The following PTPRR variants were observed in gnomAD, a reference collection of about 807,000 sequenced individuals.
The protein encoded by PTPRR is protein tyrosine phosphatase receptor type R.
PTPRR carries 38 observed loss-of-function variants against 77.2 expected under a neutral mutation model. The observed-to-expected ratio is 0.49, with a 90% CI of 0.38 to 0.65. The LOEUF (loss-of-function observed/expected upper bound fraction) is 0.65, where lower values mean the gene tolerates loss of function less well. PTPRR is among the 30% of genes least tolerant of loss of function. PTPRR has a pLI of 0.00. For synonymous variants in PTPRR, 299 were observed against 283.1 expected (o/e 1.06, Z -0.57); for missense variants, 744 against 799.2 (o/e 0.93, Z 0.83).
intron 2 of PTPRR, among the ~76,000 whole-genome samples, chr12:70,832,690 G>A (rs886333750): frequency 6.6e-6 from 1 of 152,200 alleles, no homozygotes; most frequent in African/African-American, 2.4e-5. Context: ...GTTGAGAACA[G>A]AACATGGGCA....
At position 70,764,888 on chromosome 12, in the gene PTPRR, A is replaced by G. The variant is rs1466424001; in HGVS notation, c.358-110T>C. ...GTTCACGACATTCAGTTCTTGACTC[A>G]TGACTGACCACAGTTTCTGTGACTC... On this transcript the variant is annotated intron_variant, in intron 2 of 13. Coordinates refer to ENST00000283228, the MANE Select transcript of PTPRR (RefSeq NM_002849.4). The G allele has an allele frequency of 4.1e-6, 3 of 733,548 alleles. No homozygotes were observed. The African/African-American group carries it at 5.3e-5, about 13-fold the overall frequency. 45.4% of individuals were successfully genotyped at this position (733,548 alleles called of 1,614,324 possible).
chr12:70,734,693 T>C (rs1471295620), intron 6 of PTPRR, among the ~76,000 whole-genome samples: 1 of 152,170 alleles, frequency 6.6e-6, no homozygotes, highest in Non-Finnish European at 1.5e-5. Context: ...GAGCAATTAC[T>C]GTGATTCCTC....
At chr12:70,832,386 T>G (rs1892228538) in intron 2 of PTPRR, among the ~76,000 whole-genome samples, 4 of 152,200 alleles carry the variant, frequency 2.6e-5, no homozygotes, top group African/African-American at 9.6e-5. Context: ...TACAATCTTC[T>G]GATTTTTAAA....
At chr12:70,915,644 G>C (rs1893764361) in intron 1 of PTPRR, among the ~76,000 whole-genome samples, 1 of 152,166 alleles carries the variant, frequency 6.6e-6, no homozygotes, top group African/African-American at 2.4e-5. Flanking sequence ...TTTTTTCACT[G>C]AGTTGATTAG....
intron 2 of PTPRR, among the ~76,000 whole-genome samples, chr12:70,808,484 G>A (rs1891750810): frequency 6.6e-6 from 1 of 152,126 alleles, no homozygotes; most frequent in South Asian, 2.1e-4. Context: ...CTGCTGACAT[G>A]TGATGTCTCC....
chr12:70,779,050 C>T (rs192618758), intron 2 of PTPRR, among the ~76,000 whole-genome samples: 3 of 152,130 alleles, frequency 2.0e-5, no homozygotes, highest in East Asian at 1.9e-4. Context: ...GTTTCAACCA[C>T]GTTGGCCACT....
At chr12:70,760,980 A>C (rs1890677157) in intron 4 of PTPRR, among the ~76,000 whole-genome samples, 1 of 152,224 alleles carries the variant, frequency 6.6e-6, no homozygotes, top group Non-Finnish European at 1.5e-5. Context: ...TAAGTTCTTT[A>C]AAAAACTATA....
intron 12 of PTPRR, among the ~76,000 whole-genome samples, chr12:70,657,389 A>G (rs567810034): frequency 6.6e-6 from 1 of 152,348 alleles, no homozygotes; most frequent in South Asian, 2.1e-4. Flanking sequence ...CTAGAGGCAC[A>G]TATTTCCAAG....
At chr12:70,735,489 G>T (rs1421978875) in intron 6 of PTPRR, among the ~76,000 whole-genome samples, 1 of 152,116 alleles carries the variant, frequency 6.6e-6, no homozygotes, top group Non-Finnish European at 1.5e-5. Context: ...GGAAAAACCT[G>T]CCCCCATGAT....
intron 13 of PTPRR, among the ~76,000 whole-genome samples, chr12:70,654,346 G>A (rs925461156): frequency 1.6e-4 from 25 of 152,290 alleles, no homozygotes; most frequent in African/African-American, 6.0e-4. Context: ...GGGAGGCCAA[G>A]ATGTGAGGAT....
intron 6 of PTPRR, among the ~76,000 whole-genome samples, chr12:70,730,868 G>A (rs1352231049): frequency 1.3e-5 from 2 of 150,398 alleles, no homozygotes; most frequent in Non-Finnish European, 3.0e-5. Context: ...AAGGAGGAAG[G>A]AGATAGAGAA....
At chr12:70,785,652 T>C (rs765537874) in intron 2 of PTPRR, among the ~76,000 whole-genome samples, 1 of 152,294 alleles carries the variant, frequency 6.6e-6, no homozygotes, top group Non-Finnish European at 1.5e-5. Context: ...TAGTATCATT[T>C]CTATGCTTTG....
chr12:70,760,243 G>A (rs1890661788), intron 4 of PTPRR, among the ~76,000 whole-genome samples: 1 of 152,198 alleles, frequency 6.6e-6, no homozygotes, highest in South Asian at 2.1e-4. Context: ...GGCTCAGGGA[G>A]GTTGATACCA....
intron 1 of PTPRR, among the ~76,000 whole-genome samples, chr12:70,905,761 G>A (rs904504047): frequency 6.6e-6 from 1 of 151,960 alleles, no homozygotes; most frequent in Non-Finnish European, 1.5e-5. Flanking sequence ...TCCTCGCATT[G>A]CAAGTACTTA....
chr12:70,894,499 TGTA>T (rs1893391884), intron 1 of PTPRR, among the ~76,000 whole-genome samples: 1 of 151,754 alleles, frequency 6.6e-6, no homozygotes, highest in South Asian at 2.1e-4. Flanking sequence ...ATCACTTCAT[TGTA>T]GTGATATCAG....
At chr12:70,872,433 C>G (rs936914517) in intron 2 of PTPRR, among the ~76,000 whole-genome samples, 2 of 151,944 alleles carry the variant, frequency 1.3e-5, no homozygotes, top group Admixed American at 6.6e-5. Flanking sequence ...CGGTGGCTCA[C>G]ACCTGTAATC....
intron 4 of PTPRR, among the ~76,000 whole-genome samples, chr12:70,755,344 T>C (rs1328567925): frequency 1.3e-5 from 2 of 152,194 alleles, no homozygotes; most frequent in Non-Finnish European, 2.9e-5. Context: ...AAAACACGTC[T>C]TGTAGGTGTC....
chr12:70,872,705 A>AAAAAAAAAAAC (rs1305297699), intron 2 of PTPRR, among the ~76,000 whole-genome samples: 1 of 148,686 alleles, frequency 6.7e-6, no homozygotes, highest in Non-Finnish European at 1.5e-5. Flanking sequence ...AAAAAAAAAA[A>AAAAAAAAAAAC]AAAAAAAAAA....
chr12:70,715,404 C>T (rs932757789), intron 6 of PTPRR, among the ~76,000 whole-genome samples: 9 of 152,222 alleles, frequency 5.9e-5, no homozygotes, highest in East Asian at 1.9e-4. Flanking sequence ...ATGAAGTTTC[C>T]GGCACCATTG....
Sources: allele counts gnomAD v4.1 joint callset (sites outside exome capture counted in the v4.1 genomes callset), GRCh38; gene constraint gnomAD v4.1.1; transcripts MANE v1.5; gene names NCBI Gene and HGNC (gene_info 2026-07-23, HGNC 2026-07-21).